The following CUX2 variants were observed in gnomAD, a reference collection of about 807,000 sequenced individuals.
CUX2 encodes homeobox protein cut-like 2.
In CUX2, 40 loss-of-function variants were observed where a neutral mutation model predicts 144.8. The ratio of observed to expected loss-of-function variants is 0.28; its 90% CI spans 0.21 to 0.36. The LOEUF is 0.36. Ranked by LOEUF, CUX2 falls within the 10% of genes least tolerant of loss-of-function variation. The pLI, the probability that CUX2 is intolerant of heterozygous loss-of-function variation, is 1.00. For missense variants in CUX2, 1,615 were observed against 1,994.0 expected (o/e 0.81, Z 3.62); for synonymous variants, 827 against 875.6 (o/e 0.94, Z 0.98).
At chr12:111,098,750 G>A (rs950883961) in intron 1 of CUX2, among the ~76,000 whole-genome samples, 1 of 152,260 alleles carries the variant, frequency 6.6e-6, no homozygotes, top group Non-Finnish European at 1.5e-5. Context: ...TTGGTCTCCT[G>A]ATTCCCTTTC....
rs66491206 is a variant in CUX2, at chr12:111,293,751, G to A, written c.560+182G>A. ...GGTCTGGGTTCAAGTTCCACTGCAG[G>A]AACTCAGTGGCCAGCCCTGGGCAAG... On this transcript the variant is annotated intron_variant, in intron 6 of 21. Coordinates refer to ENST00000261726, the MANE Select transcript of CUX2 (RefSeq NM_015267.4). This position sits in a 1 kb window ranked among gnomAD's most constrained non-coding sequence, Gnocchi z 4.5. 0.05 allele frequency among the ~76,000 whole-genome samples: 7,640 copies of A among 152,248 alleles called. 201 individuals carry two copies. The highest frequency in any genetic ancestry group is 0.088 in the South Asian group (423 of 4,814).
Position 111,277,616 on chromosome 12 carries a change from C to T in CUX2, c.301+13777C>T, listed in dbSNP as rs2136310277. On this transcript the variant is annotated intron_variant, in intron 4 of 21. Coordinates refer to ENST00000261726, the MANE Select transcript of CUX2 (RefSeq NM_015267.4). This position sits in a 1 kb window ranked among gnomAD's most constrained non-coding sequence, Gnocchi z 5.0. ...TCACCCATCCTTTGTCCATCATTCCCTCTAGAGTGTCAGCCCCAGGAGGGC... is the reference window on the plus strand; with the variant it reads ...TCACCCATCCTTTGTCCATCATTCCTTCTAGAGTGTCAGCCCCAGGAGGGC... 6.6e-6 allele frequency among the ~76,000 whole-genome samples: 1 copy of T among 152,250 alleles called. No homozygotes were observed. The highest frequency in any genetic ancestry group is 2.1e-4 in the South Asian group (1 of 4,814).
At chr12:111,174,990 C>G (rs1021581828) in intron 1 of CUX2, among the ~76,000 whole-genome samples, 1 of 152,186 alleles carries the variant, frequency 6.6e-6, no homozygotes, top group African/African-American at 2.4e-5. Flanking sequence ...AGAGGAGTCA[C>G]CATGCAGTCT....
chr12:111,234,820 A>G (rs946298830), intron 3 of CUX2, among the ~76,000 whole-genome samples: 8 of 151,698 alleles, frequency 5.3e-5, no homozygotes, highest in African/African-American at 1.9e-4. Context: ...CCAGGCTCAA[A>G]CAGTCCTCCC....
intron 3 of CUX2, among the ~76,000 whole-genome samples, chr12:111,237,382 C>T (rs912316785): frequency 6.6e-6 from 1 of 152,162 alleles, no homozygotes; most frequent in Admixed American, 6.5e-5. Flanking sequence ...AGACTCCACT[C>T]AAATGTGGCC....
At chr12:111,338,033 CAAAAAAAGAAAAAA>C (rs1888427460) in intron 19 of CUX2, among the ~76,000 whole-genome samples, 1 of 148,538 alleles carries the variant, frequency 6.7e-6, no homozygotes, top group Non-Finnish European at 1.5e-5. Context: ...AACTCTGTCT[CAAAAAAAGAAAAAA>C]AAAAAAAGCT....
At chr12:111,084,534 G>A (rs887017647) in intron 1 of CUX2, among the ~76,000 whole-genome samples, 4 of 150,692 alleles carry the variant, frequency 2.7e-5, no homozygotes, top group East Asian at 1.9e-4. Context: ...TGGCTATTAC[G>A]GAAATAGTAA....
In CUX2 at chr12:111,034,511, AGGCGGCCG is replaced by A. The variant is rs1869317524; in HGVS notation, c.63+276_63+283del. Among the ~76,000 whole-genome samples the A allele has an allele frequency of 6.6e-6, 1 of 151,572 alleles. No homozygotes were observed. The highest frequency in any genetic ancestry group is 2.1e-4 in the South Asian group (1 of 4,818). ...CGGTCGGCGGAGCGGCCGAGCGGCC[AGGCGGCCG>A]GGCGAGGAGCGGGGAAGGCAGGGGC... On this transcript the variant is annotated intron_variant, in intron 1 of 21. Coordinates refer to ENST00000261726, the MANE Select transcript of CUX2 (RefSeq NM_015267.4). This position sits in a 1 kb window ranked among gnomAD's most constrained non-coding sequence, Gnocchi z 4.2.
At chr12:111,138,353 G>A (rs1010479834) in intron 1 of CUX2, among the ~76,000 whole-genome samples, 2 of 151,980 alleles carry the variant, frequency 1.3e-5, no homozygotes, top group Non-Finnish European at 2.9e-5. Context: ...AGGGGGAGGT[G>A]CAGTCATGTG....
intron 1 of CUX2, among the ~76,000 whole-genome samples, chr12:111,201,728 C>T (rs1274002164): frequency 6.6e-5 from 10 of 152,228 alleles, no homozygotes; most frequent in Non-Finnish European, 1.3e-4. Flanking sequence ...TTTTCCAGAG[C>T]TTCCTGAGGT....
Position 111,310,319 on chromosome 12 carries a change from G to A in CUX2, c.1537G>A (p.Gly513Ser), listed in dbSNP as rs976423573. Residue 513 changes from glycine (G) to serine (S), a missense_variant, in exon 15 of 22, where the codon GGC becomes AGC. Physicochemically the swap from Gly to Ser is moderately conservative, Grantham distance 56 (BLOSUM62 0). Transcript: ENST00000261726. The surrounding 1 kb of genome is among the most constrained non-coding windows in gnomAD (Gnocchi z 7.9). Reference protein sequence around the residue: ...GLLVFPPAFYGAKPPTAPATP... With the variant: ...GLLVFPPAFYSAKPPTAPATP... ...GCTGGTGTTCCCCCCAGCCTTCTAT[G>A]GCGCCAAGCCCCCCACAGCCCCTGC... 7 of 1,507,646 alleles carry A rather than the reference G, an allele frequency of 4.6e-6. No homozygotes were observed. Among genetic ancestry groups the A allele is most frequent in the Non-Finnish European group, 4.4e-6 (5 of 1,124,484 alleles). 93.4% of individuals were successfully genotyped at this position (1,507,646 alleles called of 1,614,324 possible). A position where few individuals can be genotyped will look rare whatever the true frequency, so the allele number is the denominator to read the frequency against.
rs1213790041 is a variant in CUX2 at position 111,034,970 on chromosome 12, C to A, written c.63+730C>A. ...GGTTCGTCTTGCTTCTTGCCTTTAC[C>A]CCCCCGCCCCTTCCATCCCCTTCCC... On this transcript the variant is annotated intron_variant, in intron 1 of 21. Transcript: ENST00000261726. This position sits in a 1 kb window ranked among gnomAD's most constrained non-coding sequence, Gnocchi z 4.2. Among the ~76,000 whole-genome samples, 1 of 151,982 alleles carries A rather than the reference C, an allele frequency of 6.6e-6. No homozygotes were observed. Among genetic ancestry groups the A allele is most frequent in the African/African-American group, 2.4e-5 (1 of 41,426 alleles).
At chr12:111,106,120 C>T (rs1873591735) in intron 1 of CUX2, among the ~76,000 whole-genome samples, 2 of 151,476 alleles carry the variant, frequency 1.3e-5, no homozygotes, top group Non-Finnish European at 2.9e-5. Context: ...CCACCTCAGC[C>T]TCTCAAGTAG....
intron 21 of CUX2, 35 bp from the exon 22 acceptor site, chr12:111,347,489 G>A (rs1350417479): frequency 2.9e-5 from 45 of 1,546,308 alleles, no homozygotes; most frequent in Non-Finnish European, 3.7e-5. Flanking sequence ...GGAGTCCCCT[G>A]TCCAGCCCCA....
intron 3 of CUX2, among the ~76,000 whole-genome samples, chr12:111,249,436 C>CT (rs1565872165): frequency 6.7e-5 from 9 of 134,886 alleles, no homozygotes; most frequent in African/African-American, 2.8e-4. Context: ...ATTAATAGAC[C>CT]CTTTTTTTGT....
chr12:111,219,049 G>A (rs920614677), intron 3 of CUX2, among the ~76,000 whole-genome samples: 10 of 152,152 alleles, frequency 6.6e-5, no homozygotes, highest in African/African-American at 2.4e-4. Context: ...GACCCCAGAA[G>A]GATTGGCCGT....
At position 111,289,880 on chromosome 12, in the gene CUX2, T is replaced by G. The variant is rs1169001582; in HGVS notation, c.302-1538T>G. On this transcript the variant is annotated intron_variant, in intron 4 of 21. Coordinates refer to ENST00000261726, the MANE Select transcript of CUX2 (RefSeq NM_015267.4). The surrounding 1 kb of genome is among the most constrained non-coding windows in gnomAD (Gnocchi z 4.1). ...AAGGCTGGGAGAGCTCGCGGAGAGG[T>G]GGGGCAGCTGCCTGGGAGCATCTAG... 6.6e-6 allele frequency among the ~76,000 whole-genome samples: 1 copy of G among 150,388 alleles called. No homozygotes were observed. The highest frequency in any genetic ancestry group is 6.7e-5 in the Admixed American group (1 of 14,990).
rs1886461979 is a variant in CUX2, at chr12:111,304,216, G to A, written c.760G>A (p.Glu254Lys). ...ACTGTCCCCTTCTCCCCAGCGAGCT[G>A]AGGCTGCCCAGCGGGAGGTGGAAAG... ...TNLEKANQRAEAAQREVESLR... is the reference protein window; with the variant it reads ...TNLEKANQRAKAAQREVESLR... Residue 254 changes from glutamate (E) to lysine (K), a missense_variant, in exon 10 of 22, where the codon GAG (glutamate) becomes AAG (lysine). Transcript: ENST00000261726. The surrounding 1 kb of genome is among the most constrained non-coding windows in gnomAD (Gnocchi z 4.7). 3.1e-6 allele frequency: 5 copies of A among 1,613,098 alleles called. No homozygotes were observed. Among genetic ancestry groups the A allele is most frequent in the Admixed American group, 1.7e-5 (1 of 59,900 alleles).
intron 1 of CUX2, among the ~76,000 whole-genome samples, chr12:111,134,403 A>G (rs1875704517): frequency 6.6e-6 from 1 of 152,218 alleles, no homozygotes. Flanking sequence ...ACCATGGACT[A>G]TCAGTGTTCT....
Sources: gnomAD v4.1 joint callset for allele counts (sites outside exome capture counted in the v4.1 genomes callset) on GRCh38, gnomAD v4.1.1 for gene constraint, Gnocchi (gnomAD v3.1) non-coding constraint, MANE v1.5 for transcripts, NCBI Gene and HGNC (gene_info 2026-07-23, HGNC 2026-07-21) for gene names.